RABGAP1: variants seen among roughly 807,000 people sequenced by gnomAD.
RABGAP1 encodes the protein RAB GTPase activating protein 1, also known as rab GTPase-activating protein 1.
RABGAP1 carries 23 observed loss-of-function variants against 137.6 expected under a neutral mutation model. The observed-to-expected ratio is 0.17, with a 90% CI of 0.12 to 0.24. RABGAP1 has a LOEUF of 0.24. Among genes scored for constraint, RABGAP1 ranks in the 10% least tolerant of loss-of-function variants. RABGAP1 has a pLI of 1.00. For synonymous variants in RABGAP1, 451 were observed against 450.7 expected, an observed-to-expected ratio of 1.00 and a Z score of -0.01; for missense variants, 906 against 1,275.8, an observed-to-expected ratio of 0.71 and a Z score of 4.42.
At chr9:122,974,622 T>A (rs1051888992) in intron 2 of RABGAP1, among the ~76,000 whole-genome samples, 5 of 152,004 alleles carry the variant, frequency 3.3e-5, no homozygotes, top group African/African-American at 1.2e-4. Flanking sequence ...TGGGACCCTG[T>A]CTCTATTTTT....
intron 13 of RABGAP1, among the ~76,000 whole-genome samples, chr9:123,058,067 GGGGAGGA>G (rs2033816725): frequency 6.6e-6 from 1 of 151,964 alleles, no homozygotes. Context: ...AGGGGGAGAG[GGGGAGGA>G]GGGAGAGGGA....
chr9:122,945,146 G>GTTTTTTTTTTTTTTTTTTTTTTTTTT (rs1564348056), intron 1 of RABGAP1, among the ~76,000 whole-genome samples: 1 of 9,178 alleles, frequency 1.1e-4, no homozygotes, highest in African/African-American at 1.7e-4. Context: ...CATAGCTGTT[G>GTTTTTTTTTTTTTTTTTTTTTTTTTT]CTTTTTTTTT....
intron 11 of RABGAP1, among the ~76,000 whole-genome samples, chr9:123,012,340 A>G (rs2030877683): frequency 6.6e-6 from 1 of 152,244 alleles, no homozygotes; most frequent in African/African-American, 2.4e-5. Context: ...AAAAGTTTAC[A>G]TAACTTTCCT....
intron 1 of RABGAP1, among the ~76,000 whole-genome samples, chr9:122,942,374 C>T (rs1485337751): frequency 1.3e-5 from 2 of 152,082 alleles, no homozygotes; most frequent in African/African-American, 2.4e-5. Context: ...CTAGAGCTTA[C>T]TTATGAAAAC....
chr9:123,074,238 T>C (rs763409655), intron 16 of RABGAP1, 47 bp from the exon 17 acceptor site: 3 of 1,607,200 alleles, frequency 1.9e-6, no homozygotes, highest in African/African-American at 2.7e-5. Flanking sequence ...TTAGTGGGAA[T>C]TGGACAGATG....
At chr9:122,966,597 G>C (rs10119570) in intron 2 of RABGAP1, among the ~76,000 whole-genome samples, 229 of 151,470 alleles carry the variant, frequency 1.5e-3, no homozygotes, top group African/African-American at 5.2e-3. Context: ...ATATTGAAGA[G>C]ACAAGTGATA....
intron 14 of RABGAP1, among the ~76,000 whole-genome samples, chr9:123,067,027 T>A (rs1285399543): frequency 1.3e-5 from 2 of 152,162 alleles, no homozygotes; most frequent in Non-Finnish European, 2.9e-5. Flanking sequence ...TAATACTACA[T>A]CTCTAAAAAA....
chr9:123,029,498 G>C, intron 13 of RABGAP1: 1 of 1,035,996 alleles, frequency 9.7e-7, no homozygotes, highest in Non-Finnish European at 1.5e-6. Flanking sequence ...CAGAAGGGCT[G>C]CCCTGGCCAG....
At chr9:123,092,263 A>G (rs2035052784) in intron 21 of RABGAP1, among the ~76,000 whole-genome samples, 1 of 152,160 alleles carries the variant, frequency 6.6e-6, no homozygotes, top group Non-Finnish European at 1.5e-5. Flanking sequence ...TTTTCAAGTC[A>G]TCTTATCCTG....
At chr9:123,042,542 T>C (rs1032055231) in intron 13 of RABGAP1, among the ~76,000 whole-genome samples, 1 of 152,122 alleles carries the variant, frequency 6.6e-6, no homozygotes. Context: ...TAAAAATGAA[T>C]AGGAAGAGAA....
intron 2 of RABGAP1, among the ~76,000 whole-genome samples, chr9:122,981,380 T>G (rs1192202334): frequency 1.3e-5 from 2 of 152,208 alleles, no homozygotes; most frequent in African/African-American, 2.4e-5. Flanking sequence ...TGTATTAATG[T>G]TGACTATATG....
chr9:122,997,883 T>A (rs1022557219), intron 9 of RABGAP1, among the ~76,000 whole-genome samples: 1 of 152,192 alleles, frequency 6.6e-6, no homozygotes, highest in Admixed American at 6.5e-5. Context: ...ATGCCTCTTA[T>A]TGAGCATTTT....
intron 12 of RABGAP1, among the ~76,000 whole-genome samples, chr9:123,018,253 C>A (rs761945076): frequency 2.4e-4 from 37 of 152,084 alleles, no homozygotes; most frequent in Non-Finnish European, 4.9e-4. Flanking sequence ...TTTAATATGA[C>A]TGTTAATGGA....
intron 10 of RABGAP1, among the ~76,000 whole-genome samples, chr9:123,004,356 C>T (rs1352599522): frequency 1.3e-5 from 2 of 152,016 alleles, no homozygotes; most frequent in Non-Finnish European, 2.9e-5. Context: ...GTCAAAAGCA[C>T]GGCTCGCTAC....
At chr9:122,945,297 T>A (rs1321188737) in intron 1 of RABGAP1, 1 of 152,078 alleles carries the variant, frequency 6.6e-6, no homozygotes, top group Admixed American at 6.6e-5. Context: ...ACCATTCACG[T>A]TGACCCTAAC....
intron 13 of RABGAP1, among the ~76,000 whole-genome samples, chr9:123,054,503 G>A (rs1014574664): frequency 2.0e-5 from 3 of 152,062 alleles, no homozygotes; most frequent in Non-Finnish European, 2.9e-5. Context: ...AAGAATTCCT[G>A]TATACTCTGT....
At chr9:122,959,421 A>T (rs1036702184) in intron 2 of RABGAP1, among the ~76,000 whole-genome samples, 4 of 151,000 alleles carry the variant, frequency 2.6e-5, no homozygotes, top group Non-Finnish European at 5.9e-5. Flanking sequence ...TGGGATCATG[A>T]TCTAATTTAT....
At chr9:122,977,760 A>G (rs1352967082) in intron 2 of RABGAP1, among the ~76,000 whole-genome samples, 1 of 152,122 alleles carries the variant, frequency 6.6e-6, no homozygotes, top group Non-Finnish European at 1.5e-5. Flanking sequence ...TTTGGACAGA[A>G]TAAGTTTGAT....
At chr9:123,096,908 T>A (rs2035201306) in intron 21 of RABGAP1, among the ~76,000 whole-genome samples, 1 of 152,206 alleles carries the variant, frequency 6.6e-6, no homozygotes. Context: ...TGGAACCTGT[T>A]TCTTCCAAAG....
Sources: allele counts gnomAD v4.1 joint callset (sites outside exome capture counted in the v4.1 genomes callset), GRCh38; gene constraint gnomAD v4.1.1; transcripts MANE v1.5; gene names NCBI Gene and HGNC (gene_info 2026-07-23, HGNC 2026-07-21).